Variants in STX6 observed in about 807,000 individuals in gnomAD.
STX6 encodes the protein syntaxin 6, also known as syntaxin-6.
Under a neutral mutation model 38.0 loss-of-function variants are expected in STX6, and 23 were observed. The ratio of observed to expected loss-of-function variants is 0.60; its 90% CI spans 0.43 to 0.86. STX6 has a LOEUF of 0.86. Among genes scored for constraint, STX6 ranks in the 40% least tolerant of loss-of-function variants. STX6 has a pLI of 0.00. For missense variants in STX6, 274 were observed against 312.9 expected (o/e 0.88, Z 0.94); for synonymous variants, 123 against 107.5 (o/e 1.14, Z -0.89).
intron 3 of STX6, among the ~76,000 whole-genome samples, chr1:181,000,175 T>C (rs1045192404): frequency 2.6e-5 from 4 of 152,200 alleles, no homozygotes; most frequent in Admixed American, 2.6e-4. Context: ...AATATTCAGG[T>C]GGATCACATA....
chr1:181,011,875 T>C (rs1656411819), intron 1 of STX6, among the ~76,000 whole-genome samples: 1 of 152,232 alleles, frequency 6.6e-6, no homozygotes, highest in African/African-American at 2.4e-5. Context: ...TGAGGAGCAC[T>C]TCCCGTTGAG....
At chr1:181,022,317 G>T (rs1033250500) in intron 1 of STX6, among the ~76,000 whole-genome samples, 1 of 152,160 alleles carries the variant, frequency 6.6e-6, no homozygotes, top group South Asian at 2.1e-4. Flanking sequence ...GCCAGTGTGC[G>T]CCAGGACCCG....
chr1:180,980,206 C>CAAAAAAAAAAAAA (rs56336455), intron 7 of STX6, among the ~76,000 whole-genome samples: 1 of 88,250 alleles, frequency 1.1e-5, no homozygotes, highest in Non-Finnish European at 2.2e-5. Flanking sequence ...GACTCTGTCT[C>CAAAAAAAAAAAAA]AAAAAAAAAA....
intron 7 of STX6, among the ~76,000 whole-genome samples, chr1:180,983,775 T>C (rs1373146605): frequency 3.3e-5 from 5 of 152,148 alleles, no homozygotes; most frequent in Non-Finnish European, 5.9e-5. Flanking sequence ...AAGAAAGTTA[T>C]TCTACTGGGC....
chr1:180,980,264 T>C (rs1424031397), intron 7 of STX6, among the ~76,000 whole-genome samples: 2 of 148,824 alleles, frequency 1.3e-5, no homozygotes, highest in East Asian at 3.9e-4. Context: ...GAAAAGATGT[T>C]CAACATTAGA....
At chr1:181,010,548 C>T (rs1006432393) in intron 1 of STX6, among the ~76,000 whole-genome samples, 4 of 152,110 alleles carry the variant, frequency 2.6e-5, no homozygotes, top group Non-Finnish European at 5.9e-5. Context: ...GTGATCCAAC[C>T]GGCTCAGCCT....
In STX6 at chr1:181,002,593, T is replaced by A; in HGVS notation, c.300+13A>T. ...TTCTTATACAGATAACACAATAAGA[T>A]CATATTCCTTACCCTGACAACTTGC... On this transcript the variant is annotated intron_variant, in intron 3 of 7. Transcript: ENST00000258301. 1 of 1,581,686 alleles carries A rather than the reference T, an allele frequency of 6.3e-7. No homozygotes were observed. The highest frequency in any genetic ancestry group is 8.7e-7 in the Non-Finnish European group (1 of 1,151,222).
chr1:180,989,628 T>C (rs1050101927), intron 5 of STX6, among the ~76,000 whole-genome samples: 25 of 152,212 alleles, frequency 1.6e-4, no homozygotes, highest in Admixed American at 1.4e-3. Context: ...CTTGGTTCTT[T>C]ATTTTTTTAG....
At chr1:181,010,360 G>A (rs1251448567) in intron 1 of STX6, among the ~76,000 whole-genome samples, 3 of 152,060 alleles carry the variant, frequency 2.0e-5, no homozygotes, top group Non-Finnish European at 4.4e-5. Context: ...GGAGTGCAGT[G>A]GTGCCATTTC....
Position 180,984,665 on chromosome 1 carries a change from C to T in STX6, c.691+12G>A, listed in dbSNP as rs536872474. Reference sequence around the variant, plus strand: ...TAAGTACAAATGCTTAAGCTTTAAACGCCATACATACCACTGGTCATATGA... The same window carrying T: ...TAAGTACAAATGCTTAAGCTTTAAATGCCATACATACCACTGGTCATATGA... On this transcript the variant is annotated intron_variant, in intron 7 of 7. Coordinates refer to ENST00000258301, the MANE Select transcript of STX6 (RefSeq NM_005819.6). 1.5e-5 allele frequency: 20 copies of T among 1,324,320 alleles called. No individual in the cohort carries two copies. Among genetic ancestry groups the T allele is most frequent in the South Asian group, 2.4e-5 (2 of 83,550 alleles). The allele number at this position is 1,324,320 out of a possible 1,614,324, so 82.0% of individuals were successfully genotyped here. A position where few individuals can be genotyped will look rare whatever the true frequency, so the allele number is the denominator to read the frequency against.
chr1:181,021,926 C>T (rs536150482), intron 1 of STX6, among the ~76,000 whole-genome samples: 1 of 152,286 alleles, frequency 6.6e-6, no homozygotes, highest in East Asian at 1.9e-4. Flanking sequence ...GAGAAAATTC[C>T]GGTTGCTAAT....
chr1:181,019,365 A>C (rs1223227080), intron 1 of STX6, among the ~76,000 whole-genome samples: 1 of 152,102 alleles, frequency 6.6e-6, no homozygotes, highest in Non-Finnish European at 1.5e-5. Flanking sequence ...AAAAAAAAAA[A>C]AAAACAGTCC....
chr1:180,981,833 A>G (rs1186789655), intron 7 of STX6, among the ~76,000 whole-genome samples: 2 of 152,198 alleles, frequency 1.3e-5, no homozygotes, highest in Non-Finnish European at 2.9e-5. Context: ...TACTAACCAC[A>G]GGGGCTCTTG....
chr1:180,984,571 TAAAAAATAAGAAAGGGATCTGG>T (rs1655516716), intron 7 of STX6, 84 bp downstream of exon 7: 2 of 473,232 alleles, frequency 4.2e-6, no homozygotes, highest in Admixed American at 3.8e-5. Flanking sequence ...AAGGGATCTG[TAAAAAATAAGAAAGGGATCTGG>T]ATGGGCATAA....
At chr1:181,007,681 T>C (rs1656262680) in intron 1 of STX6, among the ~76,000 whole-genome samples, 1 of 152,228 alleles carries the variant, frequency 6.6e-6, no homozygotes. Flanking sequence ...AGTAGCAATC[T>C]ATGAACTTTT....
At chr1:180,991,923 A>T (rs1558090843) in intron 4 of STX6, among the ~76,000 whole-genome samples, 1 of 83,876 alleles carries the variant, frequency 1.2e-5, no homozygotes, top group African/African-American at 4.3e-5. Flanking sequence ...TATACTTTAT[A>T]TAAAATATAT....
At chr1:181,012,552 G>C (rs1251096448) in intron 1 of STX6, among the ~76,000 whole-genome samples, 1 of 152,008 alleles carries the variant, frequency 6.6e-6, no homozygotes, top group African/African-American at 2.4e-5. Context: ...AGGACCACTT[G>C]CAATGCAGAA....
At chr1:180,993,117 G>A (rs1448921520) in intron 4 of STX6, among the ~76,000 whole-genome samples, 1 of 152,152 alleles carries the variant, frequency 6.6e-6, no homozygotes, top group Non-Finnish European at 1.5e-5. Flanking sequence ...TATAGTAAGG[G>A]TAGGCAAAAG....
intron 4 of STX6, among the ~76,000 whole-genome samples, chr1:180,992,082 C>G (rs1391892357): frequency 6.6e-6 from 1 of 151,904 alleles, no homozygotes; most frequent in Non-Finnish European, 1.5e-5. Flanking sequence ...TCAGTTACTT[C>G]CACTTCCTAT....
Sources: allele counts gnomAD v4.1 joint callset (sites outside exome capture counted in the v4.1 genomes callset), GRCh38; gene constraint gnomAD v4.1.1; transcripts MANE v1.5; gene names NCBI Gene and HGNC (gene_info 2026-07-23, HGNC 2026-07-21).